The following LRRC4C variants were observed in gnomAD, a reference collection of about 807,000 sequenced individuals.
LRRC4C encodes leucine-rich repeat-containing protein 4C.
Under a neutral mutation model 33.6 loss-of-function variants are expected in LRRC4C, and 5 were observed. That is an observed-to-expected ratio of 0.15 (90% confidence interval 0.08 to 0.31). The LOEUF is 0.31. Ranked by LOEUF, LRRC4C falls within the 10% of genes least tolerant of loss-of-function variation. The pLI, the probability that LRRC4C is intolerant of heterozygous loss-of-function variation, is 1.00. For synonymous variants in LRRC4C, 329 were observed against 302.0 expected (o/e 1.09, Z -0.93); for missense variants, 560 against 796.7 (o/e 0.70, Z 3.58).
chr11:40,776,957 G>C (rs1369224221), intron 2 of LRRC4C, among the ~76,000 whole-genome samples: 1 of 151,934 alleles, frequency 6.6e-6, no homozygotes, highest in African/African-American at 2.4e-5. Context: ...AGAATTTTTT[G>C]ATATCTGCCT....
intron 1 of LRRC4C, among the ~76,000 whole-genome samples, chr11:41,282,674 T>G (rs1035924646): frequency 6.6e-6 from 1 of 152,170 alleles, no homozygotes; most frequent in African/African-American, 2.4e-5. Flanking sequence ...CTGCTTGCAT[T>G]TAGCAGCAGT....
chr11:40,981,344 G>A (rs376134496), intron 1 of LRRC4C, among the ~76,000 whole-genome samples: 1 of 151,944 alleles, frequency 6.6e-6, no homozygotes, highest in African/African-American at 2.4e-5. Context: ...AGCCCGGGAG[G>A]CGGAGCTTGC....
At chr11:41,121,135 C>G (rs543398973) in intron 1 of LRRC4C, among the ~76,000 whole-genome samples, 1 of 152,100 alleles carries the variant, frequency 6.6e-6, no homozygotes, top group Non-Finnish European at 1.5e-5. Flanking sequence ...CTGTTGGTTT[C>G]TTTTAACCAT....
intron 2 of LRRC4C, among the ~76,000 whole-genome samples, chr11:40,655,436 T>C (rs965124387): frequency 2.0e-5 from 3 of 152,182 alleles, no homozygotes; most frequent in African/African-American, 7.2e-5. Flanking sequence ...AATAAAAATA[T>C]GGCAAACATG....
intron 5 of LRRC4C, among the ~76,000 whole-genome samples, chr11:40,207,977 C>T (rs1198034378): frequency 6.6e-6 from 1 of 152,154 alleles, no homozygotes; most frequent in East Asian, 1.9e-4. Flanking sequence ...TGCTTCCTGC[C>T]TCTTCATTTC....
At chr11:41,398,046 G>A (rs1407238909) in intron 1 of LRRC4C, among the ~76,000 whole-genome samples, 1 of 151,838 alleles carries the variant, frequency 6.6e-6, no homozygotes, top group Non-Finnish European at 1.5e-5. Context: ...CGTTTAATGG[G>A]GATGCACTTG....
At chr11:40,435,644 G>T (rs1951111072) in intron 3 of LRRC4C, among the ~76,000 whole-genome samples, 1 of 152,140 alleles carries the variant, frequency 6.6e-6, no homozygotes, top group African/African-American at 2.4e-5. Flanking sequence ...CACAGGCTCT[G>T]ACATAAAATT....
At chr11:40,370,931 T>C (rs1948423253) in intron 3 of LRRC4C, among the ~76,000 whole-genome samples, 2 of 152,178 alleles carry the variant, frequency 1.3e-5, no homozygotes, top group Non-Finnish European at 2.9e-5. Flanking sequence ...TTTTGTAAGC[T>C]CACTTCAGCA....
At chr11:41,053,177 G>A (rs1161505999) in intron 1 of LRRC4C, among the ~76,000 whole-genome samples, 4 of 152,092 alleles carry the variant, frequency 2.6e-5, no homozygotes, top group Non-Finnish European at 5.9e-5. Context: ...GCAGGGCACA[G>A]GATTTGTTTC....
At chr11:41,112,597 C>A (rs1320396255) in intron 1 of LRRC4C, among the ~76,000 whole-genome samples, 1 of 151,926 alleles carries the variant, frequency 6.6e-6, no homozygotes, top group African/African-American at 2.4e-5. Context: ...TAAACAAATG[C>A]ACTTCTGTTT....
chr11:41,000,649 G>C (rs1054898631), intron 1 of LRRC4C, among the ~76,000 whole-genome samples: 8 of 152,168 alleles, frequency 5.3e-5, no homozygotes, highest in African/African-American at 1.9e-4. Flanking sequence ...CCTATGGATT[G>C]GACATGCATC....
chr11:40,176,618 G>A (rs1039680048), intron 5 of LRRC4C, among the ~76,000 whole-genome samples: 1 of 149,838 alleles, frequency 6.7e-6, no homozygotes, highest in Non-Finnish European at 1.5e-5. Context: ...ATAGCTCGTT[G>A]CAGACTTGAA....
intron 2 of LRRC4C, among the ~76,000 whole-genome samples, chr11:40,737,062 A>G (rs1354581526): frequency 6.6e-6 from 1 of 152,130 alleles, no homozygotes; most frequent in Non-Finnish European, 1.5e-5. Context: ...TTAGTACTAA[A>G]GTCTTTGCCC....
intron 2 of LRRC4C, among the ~76,000 whole-genome samples, chr11:40,912,686 AC>A (rs1315253490): frequency 6.6e-6 from 1 of 152,168 alleles, no homozygotes; most frequent in Non-Finnish European, 1.5e-5. Flanking sequence ...GATCAAATTC[AC>A]ACATAACAAT....
At chr11:40,299,244 A>G (rs1944657653) in intron 4 of LRRC4C, among the ~76,000 whole-genome samples, 1 of 152,196 alleles carries the variant, frequency 6.6e-6, no homozygotes, top group African/African-American at 2.4e-5. Context: ...AGTCATCACT[A>G]ACTCCTCTGT....
intron 1 of LRRC4C, among the ~76,000 whole-genome samples, chr11:41,105,457 C>T (rs1311084867): frequency 6.6e-6 from 1 of 151,990 alleles, no homozygotes; most frequent in Non-Finnish European, 1.5e-5. Flanking sequence ...TCTATAAGCT[C>T]TCCAAGAGCA....
chr11:41,009,614 A>C (rs11036187), intron 1 of LRRC4C, among the ~76,000 whole-genome samples: 26,040 of 152,096 alleles, frequency 0.17, 2,415 homozygotes, highest in African/African-American at 0.23. Context: ...CCTCAGTCAG[A>C]CCCTCAGGCA....
chr11:40,441,706 T>C (rs931686291), intron 3 of LRRC4C, among the ~76,000 whole-genome samples: 2 of 152,202 alleles, frequency 1.3e-5, no homozygotes, highest in Non-Finnish European at 2.9e-5. Context: ...AAGTCTTCTA[T>C]GAGAAGGTGA....
chr11:41,348,761 C>T (rs1951879287), intron 1 of LRRC4C, among the ~76,000 whole-genome samples: 2 of 152,168 alleles, frequency 1.3e-5, no homozygotes, highest in Admixed American at 6.5e-5. Flanking sequence ...CCCTGAGTGG[C>T]TCCTGGGGAA....
Sources: gnomAD v4.1 joint callset for allele counts (sites outside exome capture counted in the v4.1 genomes callset) on GRCh38, gnomAD v4.1.1 for gene constraint, MANE v1.5 for transcripts, NCBI Gene and HGNC (gene_info 2026-07-23, HGNC 2026-07-21) for gene names.